Variants in ADGRL3 observed in about 807,000 individuals in gnomAD.
ADGRL3 encodes the protein calcium-independent alpha-latrotoxin receptor 3.
In ADGRL3, 62 loss-of-function variants were observed where a neutral mutation model predicts 153.5. That is an observed-to-expected ratio of 0.40 (90% CI 0.33 to 0.50). The LOEUF (loss-of-function observed/expected upper bound fraction) is 0.50, where lower values mean the gene tolerates loss of function less well. Among genes scored for constraint, ADGRL3 ranks in the 20% least tolerant of loss-of-function variants. The pLI, the probability that ADGRL3 is intolerant of heterozygous loss-of-function variation, is 0.47. For synonymous variants in ADGRL3, 710 were observed against 672.5 expected (o/e 1.06, Z -0.86); for missense variants, 1,641 against 1,859.4 (o/e 0.88, Z 2.16).
At chr4:61,475,051 C>T (rs2098027540) in intron 2 of ADGRL3, among the ~76,000 whole-genome samples, 1 of 152,114 alleles carries the variant, frequency 6.6e-6, no homozygotes, top group African/African-American at 2.4e-5. Context: ...AATCTAACAA[C>T]TATTTTAGAA....
chr4:61,996,468 T>C (rs1432328224), intron 20 of ADGRL3, 111 bp downstream of exon 20: 1 of 736,614 alleles, frequency 1.4e-6, no homozygotes, highest in African/African-American at 1.8e-5. Context: ...AAGCATGTAC[T>C]TATTTGACCC....
At chr4:62,038,873 T>A (rs1726615591) in intron 24 of ADGRL3, among the ~76,000 whole-genome samples, 1 of 152,098 alleles carries the variant, frequency 6.6e-6, no homozygotes, top group Admixed American at 6.6e-5. Flanking sequence ...CCTCCCAAAG[T>A]GCTGGAATTA....
chr4:61,223,132 C>G (rs1320586356), intron 1 of ADGRL3, among the ~76,000 whole-genome samples: 1 of 152,086 alleles, frequency 6.6e-6, no homozygotes, highest in Admixed American at 6.5e-5. Flanking sequence ...CAGATTATCT[C>G]TCTCATCTCA....
At chr4:61,274,008 A>G (rs2093337239) in intron 1 of ADGRL3, among the ~76,000 whole-genome samples, 1 of 152,184 alleles carries the variant, frequency 6.6e-6, no homozygotes, top group African/African-American at 2.4e-5. Context: ...ATAATAAAGC[A>G]TGCTAAGGTG....
At chr4:61,347,086 A>G (rs1578369610) in intron 1 of ADGRL3, among the ~76,000 whole-genome samples, 2 of 152,190 alleles carry the variant, frequency 1.3e-5, no homozygotes, top group East Asian at 3.9e-4. Context: ...TAGAGTTAAA[A>G]CAACTTTCCT....
At chr4:62,054,505 T>C (rs1735949334) in intron 25 of ADGRL3, among the ~76,000 whole-genome samples, 1 of 151,704 alleles carries the variant, frequency 6.6e-6, no homozygotes, top group African/African-American at 2.4e-5. Flanking sequence ...TCATTTGCAA[T>C]ATGATAGTGT....
At chr4:61,497,781 C>T (rs1219996786) in intron 3 of ADGRL3, among the ~76,000 whole-genome samples, 1 of 151,804 alleles carries the variant, frequency 6.6e-6, no homozygotes, top group African/African-American at 2.4e-5. Context: ...TCCTTGGCCT[C>T]CCAAAGTGCT....
At chr4:61,912,637 G>A in intron 12 of ADGRL3, 82 bp from the exon 13 acceptor site, 11 of 1,251,100 alleles carry the variant, frequency 8.8e-6, no homozygotes, top group Non-Finnish European at 1.3e-5. Flanking sequence ...GTGTAGATGT[G>A]TTCTTTTATT....
At chr4:61,527,079 A>G (rs77770527) in intron 4 of ADGRL3, among the ~76,000 whole-genome samples, 2,395 of 152,210 alleles carry the variant, frequency 0.016, 79 homozygotes, top group African/African-American at 0.055. Context: ...ATTTATATTC[A>G]TCTTTATTTC....
intron 1 of ADGRL3, among the ~76,000 whole-genome samples, chr4:61,254,627 C>T (rs1414810216): frequency 5.9e-5 from 9 of 152,098 alleles, no homozygotes; most frequent in East Asian, 3.9e-4. Context: ...CCTCACTGCA[C>T]GGTTGTACAA....
At chr4:61,540,732 T>C (rs2098685877) in intron 4 of ADGRL3, among the ~76,000 whole-genome samples, 1 of 152,214 alleles carries the variant, frequency 6.6e-6, no homozygotes, top group African/African-American at 2.4e-5. Context: ...GTTAAGTTCA[T>C]TGTGCTTGAA....
rs191655236 is a variant in ADGRL3 at position 61,401,831 on chromosome 4, T to G, written c.-174+18642T>G. ...AATAGGTATATTTCTCTTAGGCATATTTGAATGCCAGTGTTTCAGCTTTGA... is the reference window on the plus strand; with the variant it reads ...AATAGGTATATTTCTCTTAGGCATAGTTGAATGCCAGTGTTTCAGCTTTGA... On this transcript the variant is annotated intron_variant, in intron 2 of 26. Coordinates refer to ENST00000683033, the MANE Select transcript of ADGRL3 (RefSeq NM_001387552.1). Among the ~76,000 whole-genome samples, 274 of 152,158 alleles carry G rather than the reference T, an allele frequency of 1.8e-3. 2 individuals carry two copies. The highest frequency in any genetic ancestry group is 6.4e-3 in the African/African-American group (265 of 41,550).
In ADGRL3 at chr4:61,871,006, C is replaced by T. The variant is rs543539995; in HGVS notation, c.1481-21650C>T. On this transcript the variant is annotated intron_variant, in intron 9 of 26. Transcript: ENST00000683033. ...AAAAAGTGTATACGGGGGCCGGGCA[C>T]GGTGGCTCATGCCTGTAATCCCAGC... Among the ~76,000 whole-genome samples, 322 of 152,260 alleles carry T rather than the reference C, an allele frequency of 2.1e-3. 2 individuals carry two copies. The highest frequency in any genetic ancestry group is 7.3e-3 in the African/African-American group (303 of 41,548).
chr4:61,587,065 G>T (rs966872387), intron 4 of ADGRL3, among the ~76,000 whole-genome samples, 162 bp from the exon 5 acceptor site: 4 of 152,026 alleles, frequency 2.6e-5, no homozygotes, highest in African/African-American at 7.2e-5. Context: ...TATTTATAAA[G>T]TTACTGAAGA....
In ADGRL3 at chr4:62,006,034, T is replaced by TA. The variant is rs1560495406; in HGVS notation, c.3395+7769_3395+7770insA. ...TATATATATATATATATATATATAT[T>TA]TTTTTTTTTTTTTGAGAAAGGGTTT... On this transcript the variant is annotated intron_variant, in intron 21 of 26. Coordinates refer to ENST00000683033, the MANE Select transcript of ADGRL3 (RefSeq NM_001387552.1). Among the ~76,000 whole-genome samples the TA allele has an allele frequency of 8.1e-4, 77 of 94,542 alleles. 1 individual carries two copies. Among genetic ancestry groups the TA allele is most frequent in the African/African-American group, 1.5e-3 (38 of 25,754 alleles). The allele number at this position is 94,542 out of a possible 152,430, so 62.0% of individuals were successfully genotyped here.
At chr4:61,323,887 T>C (rs1425505975) in intron 1 of ADGRL3, among the ~76,000 whole-genome samples, 1 of 152,186 alleles carries the variant, frequency 6.6e-6, no homozygotes, top group Non-Finnish European at 1.5e-5. Context: ...ATTTACTGTA[T>C]AGTCTGTTTT....
Position 61,321,419 on chromosome 4 carries a change from T to G in ADGRL3, c.-239-61705T>G, listed in dbSNP as rs141648037. On this transcript the variant is annotated intron_variant, in intron 1 of 26. Transcript: ENST00000683033. ...ACTAACTATTCTTAAGAGGATTCAA[T>G]AAGTTGAATTACCTAGAAAAGCATG... 4.4e-4 allele frequency among the ~76,000 whole-genome samples: 67 copies of G among 152,220 alleles called. No homozygotes were observed. The East Asian group carries it at 0.012, about 28-fold the overall frequency.
chr4:61,206,396 T>C (rs1373504243), intron 1 of ADGRL3, among the ~76,000 whole-genome samples: 2 of 152,216 alleles, frequency 1.3e-5, no homozygotes, highest in Admixed American at 1.3e-4. Flanking sequence ...AAGCAAACAA[T>C]GCTGTTTTAT....
At chr4:61,207,492 A>C (rs1397696328) in intron 1 of ADGRL3, among the ~76,000 whole-genome samples, 1 of 152,176 alleles carries the variant, frequency 6.6e-6, no homozygotes, top group Non-Finnish European at 1.5e-5. Flanking sequence ...CATTGTGAAC[A>C]GTGCCACAGT....
Sources: gnomAD v4.1 joint callset for allele counts (sites outside exome capture counted in the v4.1 genomes callset) on GRCh38, gnomAD v4.1.1 for gene constraint, MANE v1.5 for transcripts, NCBI Gene and HGNC (gene_info 2026-07-23, HGNC 2026-07-21) for gene names.